TNR: variants seen among roughly 807,000 people sequenced by gnomAD.
The protein encoded by TNR is tenascin-R.
A neutral mutation model predicts 150.4 loss-of-function variants in TNR; 45 were observed. That is an observed-to-expected ratio of 0.30 (90% CI 0.24 to 0.38). TNR has a LOEUF of 0.38. Ranked by LOEUF, TNR falls within the 10% of genes least tolerant of loss-of-function variation. TNR has a pLI of 1.00. For missense variants in TNR, 1,544 were observed against 1,759.1 expected (o/e 0.88, Z 2.19); for synonymous variants, 687 against 678.4 (o/e 1.01, Z -0.20).
At chr1:175,540,532 T>TGTGTAGCC (rs2102188648) in intron 1 of TNR, among the ~76,000 whole-genome samples, 1 of 152,324 alleles carries the variant, frequency 6.6e-6, no homozygotes, top group East Asian at 1.9e-4. Context: ...CAGCCCAGTC[T>TGTGTAGCC]CAGCTACAGA....
At chr1:175,407,902 T>C (rs1475550377) in intron 2 of TNR, among the ~76,000 whole-genome samples, 4 of 152,120 alleles carry the variant, frequency 2.6e-5, no homozygotes, top group Non-Finnish European at 5.9e-5. Flanking sequence ...TTGAAAAGAG[T>C]GTTCAATTTT....
chr1:175,582,896 C>T (rs73050413), intron 1 of TNR, among the ~76,000 whole-genome samples: 3,940 of 151,850 alleles, frequency 0.026, 155 homozygotes, highest in African/African-American at 0.089. Context: ...TTAGTTCAGC[C>T]CCCTTTTCTC....
chr1:175,614,732 TG>T (rs1262514432), intron 1 of TNR, among the ~76,000 whole-genome samples: 1 of 152,142 alleles, frequency 6.6e-6, no homozygotes, highest in Non-Finnish European at 1.5e-5. Flanking sequence ...CACTCCTCCT[TG>T]GTATTTACAG....
intron 1 of TNR, among the ~76,000 whole-genome samples, chr1:175,670,962 G>GGAA (rs1430572818): frequency 6.6e-6 from 1 of 152,148 alleles, no homozygotes; most frequent in African/African-American, 2.4e-5. Context: ...GTAGGTTGGA[G>GGAA]GAAGAATGAG....
chr1:175,386,425 A>C (rs1652934839), intron 7 of TNR, 124 bp from the exon 8 acceptor site: 4 of 1,048,328 alleles, frequency 3.8e-6, no homozygotes, highest in Middle Eastern at 2.9e-4. Context: ...TTGTTACTGC[A>C]TTTTACAGAT....
At chr1:175,576,294 G>T (rs1239826524) in intron 1 of TNR, among the ~76,000 whole-genome samples, 1 of 152,212 alleles carries the variant, frequency 6.6e-6, no homozygotes, top group Non-Finnish European at 1.5e-5. Context: ...TTCCCTGAAA[G>T]AGATGCAAAG....
At chr1:175,614,271 G>C (rs1558037866) in intron 1 of TNR, among the ~76,000 whole-genome samples, 1 of 152,076 alleles carries the variant, frequency 6.6e-6, no homozygotes, top group Non-Finnish European at 1.5e-5. Context: ...ATGGTGTGGA[G>C]CAAGGTGAAG....
At chr1:175,701,098 C>T (rs1209440009) in intron 1 of TNR, among the ~76,000 whole-genome samples, 2 of 152,234 alleles carry the variant, frequency 1.3e-5, no homozygotes, top group Non-Finnish European at 1.5e-5. Flanking sequence ...AATTCTCTGT[C>T]TTTTTATGCC....
At chr1:175,380,789 G>A (rs1279155388) in intron 8 of TNR, among the ~76,000 whole-genome samples, 22 of 152,148 alleles carry the variant, frequency 1.4e-4, no homozygotes, top group Admixed American at 1.2e-3. Flanking sequence ...CGTGCTGCCC[G>A]GAACAACTGT....
intron 1 of TNR, among the ~76,000 whole-genome samples, chr1:175,535,654 T>C (rs1372507551): frequency 2.0e-5 from 3 of 151,792 alleles, no homozygotes; most frequent in African/African-American, 7.3e-5. Flanking sequence ...GTATTTTTAG[T>C]AGAGACGGGG....
At chr1:175,334,543 T>C (rs1571306074) in intron 20 of TNR, among the ~76,000 whole-genome samples, 1 of 152,224 alleles carries the variant, frequency 6.6e-6, no homozygotes, top group African/African-American at 2.4e-5. Context: ...CAGATTGGTC[T>C]TTTGAGATGT....
intron 1 of TNR, among the ~76,000 whole-genome samples, chr1:175,697,527 C>T (rs1666566691): frequency 6.6e-6 from 1 of 152,170 alleles, no homozygotes; most frequent in African/African-American, 2.4e-5. Context: ...AAGTCCCCGC[C>T]CAGCCCCCCA....
chr1:175,462,974 T>G (rs1315196402), intron 2 of TNR, among the ~76,000 whole-genome samples: 1 of 152,220 alleles, frequency 6.6e-6, no homozygotes, highest in Non-Finnish European at 1.5e-5. Context: ...CGAGAGAGCG[T>G]GTTTTAGAAA....
intron 1 of TNR, among the ~76,000 whole-genome samples, chr1:175,640,948 A>G (rs1272322437): frequency 2.0e-5 from 3 of 152,150 alleles, no homozygotes; most frequent in Admixed American, 2.0e-4. Flanking sequence ...TGCTGCTGGA[A>G]AAAGGTAACA....
At chr1:175,596,750 A>T (rs1310266901) in intron 1 of TNR, among the ~76,000 whole-genome samples, 1 of 152,232 alleles carries the variant, frequency 6.6e-6, no homozygotes, top group Non-Finnish European at 1.5e-5. Context: ...TGCTCCATTT[A>T]TCTCAGTGGG....
chr1:175,733,049 C>A (rs1381900819), intron 1 of TNR, among the ~76,000 whole-genome samples: 1 of 152,198 alleles, frequency 6.6e-6, no homozygotes, highest in Admixed American at 6.5e-5. Flanking sequence ...CACTGGCAGG[C>A]CTTGGTCAGG....
At position 175,319,130 on chromosome 1, in the gene TNR, T is replaced by C. The variant is rs901948642; in HGVS notation, c.*4227A>G. 1 of 152,182 alleles carries C rather than the reference T, an allele frequency of 6.6e-6. No individual in the cohort carries two copies. The highest frequency in any genetic ancestry group is 6.5e-5 in the Admixed American group (1 of 15,282). 9.4% of individuals were successfully genotyped at this position (152,182 alleles called of 1,614,324 possible). On this transcript the variant is annotated 3_prime_UTR_variant, in exon 23 of 23. Coordinates refer to ENST00000367674, the MANE Select transcript of TNR (RefSeq NM_003285.3). ...TAAGAAAGCAAGCAGTAGAATACCA[T>C]ATATCCTGGGCATGTGGCCCCACCT...
intron 1 of TNR, among the ~76,000 whole-genome samples, chr1:175,712,462 G>C (rs1667044098): frequency 6.6e-6 from 1 of 152,144 alleles, no homozygotes; most frequent in South Asian, 2.1e-4. Flanking sequence ...GTGGCTGCAG[G>C]AATGGGAAGG....
intron 1 of TNR, among the ~76,000 whole-genome samples, chr1:175,721,412 C>T (rs73035470): frequency 0.21 from 31,666 of 152,026 alleles, 3,422 homozygotes; most frequent in Middle Eastern, 0.28. Context: ...GTGGGCATGC[C>T]GAGTTGTGCT....
Sources: gnomAD v4.1 joint callset for allele counts (sites outside exome capture counted in the v4.1 genomes callset) on GRCh38, gnomAD v4.1.1 for gene constraint, MANE v1.5 for transcripts, NCBI Gene and HGNC (gene_info 2026-07-23, HGNC 2026-07-21) for gene names.